TMEM184B: variants seen among roughly 807,000 people sequenced by gnomAD.
TMEM184B encodes the protein putative MAPK-activating protein FM08.
Under a neutral mutation model 41.8 loss-of-function variants are expected in TMEM184B, and 17 were observed. The observed-to-expected ratio is 0.41, with a 90% CI of 0.28 to 0.61. The LOEUF is 0.61. TMEM184B is among the 20% of genes least tolerant of loss of function. The probability of loss-of-function intolerance (pLI) is 0.34; values close to 1 mark genes in which losing one functional copy is unlikely to be tolerated. For missense variants in TMEM184B, 393 were observed against 557.8 expected (o/e 0.70, Z 2.98); for synonymous variants, 240 against 229.5 (o/e 1.05, Z -0.41).
intron 1 of TMEM184B, among the ~76,000 whole-genome samples, chr22:38,250,425 A>AT (rs1302889400): frequency 6.6e-6 from 1 of 152,264 alleles, no homozygotes; most frequent in Non-Finnish European, 1.5e-5. Flanking sequence ...AGGCGTCTAT[A>AT]TAAAGAAATT....
intron 1 of TMEM184B, among the ~76,000 whole-genome samples, chr22:38,256,405 G>A (rs1246632225): frequency 6.6e-6 from 1 of 151,808 alleles, no homozygotes; most frequent in South Asian, 2.1e-4. Flanking sequence ...GTAGAGACAG[G>A]TTTTCACCTT....
rs2091220849 is a variant in TMEM184B, at chr22:38,220,199, C to T, written c.*1270G>A. ...AGCCTGCTGGGGGTTCCGGAGGCCC[C>T]AGGTCTAGAGGTGTGGAGGGGGAGA... is the stretch of plus-strand genomic sequence containing the variant. On this transcript the variant is annotated 3_prime_UTR_variant, in exon 9 of 9. Coordinates refer to ENST00000361906, the MANE Select transcript of TMEM184B (RefSeq NM_012264.5). 1.0e-6 allele frequency: 1 copy of T among 985,608 alleles called. No individual in the cohort carries two copies. Among genetic ancestry groups the T allele is most frequent in the African/African-American group, 1.7e-5 (1 of 57,214 alleles). The allele number at this position is 985,608 out of a possible 1,614,324, so 61.1% of individuals were successfully genotyped here.
At chr22:38,248,560 C>T (rs1274814913) in intron 1 of TMEM184B, among the ~76,000 whole-genome samples, 1 of 152,230 alleles carries the variant, frequency 6.6e-6, no homozygotes, top group Non-Finnish European at 1.5e-5. Context: ...TCAGCCTCTC[C>T]CAGGCTGGGC....
intron 3 of TMEM184B, among the ~76,000 whole-genome samples, chr22:38,234,090 G>A (rs1362843488): frequency 6.7e-6 from 1 of 150,122 alleles, no homozygotes; most frequent in Non-Finnish European, 1.5e-5. Context: ...TTTCTAGACT[G>A]CCACACCTCG....
chr22:38,221,313 G>A lies in TMEM184B; in HGVS notation c.*156C>T, dbSNP rs981615535. 1.1e-5 allele frequency: 16 copies of A among 1,436,466 alleles called. No individual in the cohort carries two copies. The East Asian group carries it at 1.3e-4, about 11-fold the overall frequency. 89.0% of individuals were successfully genotyped at this position (1,436,466 alleles called of 1,614,324 possible). A position where few individuals can be genotyped will look rare whatever the true frequency, so the allele number is the denominator to read the frequency against. On this transcript the variant is annotated 3_prime_UTR_variant, in exon 9 of 9. Coordinates refer to ENST00000361906, the MANE Select transcript of TMEM184B (RefSeq NM_012264.5). ...CCATGGGCGAGCCTGGCTGTCCCCC[G>A]TTCCTCTGGAAGTGACATGTGAGTG... is the stretch of plus-strand genomic sequence containing the variant.
In TMEM184B at chr22:38,221,129, C is replaced by T; in HGVS notation, c.*340G>A. ...GCGGGGAGGAGGGGCTAGAAGGCTG[C>T]AGCCGCTGGTCCACACACAAGCATT... On this transcript the variant is annotated 3_prime_UTR_variant, in exon 9 of 9. Coordinates refer to ENST00000361906, the MANE Select transcript of TMEM184B (RefSeq NM_012264.5). 1.8e-6 allele frequency: 2 copies of T among 1,139,598 alleles called. No homozygotes were observed. Among genetic ancestry groups the T allele is most frequent in the Non-Finnish European group, 2.2e-6 (2 of 926,166 alleles). The allele number at this position is 1,139,598 out of a possible 1,614,324, so 70.6% of individuals were successfully genotyped here.
At chr22:38,244,131 T>C (rs1011828811) in intron 3 of TMEM184B, among the ~76,000 whole-genome samples, 1 of 152,092 alleles carries the variant, frequency 6.6e-6, no homozygotes, top group Non-Finnish European at 1.5e-5. Context: ...TGGGCTCCTG[T>C]TGGGCGCCTC....
At chr22:38,233,905 G>C (rs2091702112) in intron 3 of TMEM184B, among the ~76,000 whole-genome samples, 1 of 152,118 alleles carries the variant, frequency 6.6e-6, no homozygotes, top group Non-Finnish European at 1.5e-5. Context: ...GAGTAACTGG[G>C]ATTACAGGCG....
chr22:38,230,876 C>G (rs925918652), intron 4 of TMEM184B, 132 bp from the exon 5 acceptor site: 1 of 853,052 alleles, frequency 1.2e-6, no homozygotes, highest in Non-Finnish European at 1.9e-6. Flanking sequence ...ACTTTGAACC[C>G]GAGGCCAAGC....
chr22:38,260,212 G>A (rs1324077724), intron 1 of TMEM184B, among the ~76,000 whole-genome samples: 1 of 151,890 alleles, frequency 6.6e-6, no homozygotes, highest in Non-Finnish European at 1.5e-5. Context: ...CCGGCCAAAT[G>A]CCTGGCTAAT....
intron 3 of TMEM184B, among the ~76,000 whole-genome samples, chr22:38,232,665 G>A (rs1386271572): frequency 2.6e-5 from 4 of 152,092 alleles, no homozygotes; most frequent in African/African-American, 7.2e-5. Context: ...ATCTGACCCC[G>A]CCAGCCCCTG....
chr22:38,235,761 C>G (rs1475426613), intron 3 of TMEM184B, among the ~76,000 whole-genome samples: 3 of 152,206 alleles, frequency 2.0e-5, no homozygotes, highest in African/African-American at 7.2e-5. Context: ...CCTCCAACAT[C>G]TTAGCAAAGG....
Position 38,226,730 on chromosome 22 carries a change from C to G in TMEM184B, c.617+49G>C. On this transcript the variant is annotated intron_variant, in intron 6 of 8. Transcript: ENST00000361906. The surrounding 1 kb of genome is among the most constrained non-coding windows in gnomAD (Gnocchi z 4.6). ...CCCCTTCCCTGAGCCAAGGCACCAGCCTGCGCCAACACTCCTCCCACACAC... is the reference window on the plus strand; with the variant it reads ...CCCCTTCCCTGAGCCAAGGCACCAGGCTGCGCCAACACTCCTCCCACACAC... 6.5e-7 allele frequency: 1 copy of G among 1,539,650 alleles called. No individual in the cohort carries two copies. Among genetic ancestry groups the G allele is most frequent in the East Asian group, 2.4e-5 (1 of 41,210 alleles).
chr22:38,219,781 G>A lies in TMEM184B; in HGVS notation c.*1688C>T. 1 of 985,586 alleles carries A rather than the reference G, an allele frequency of 1.0e-6. No homozygotes were observed. Among genetic ancestry groups the A allele is most frequent in the East Asian group, 1.1e-4 (1 of 8,810 alleles). 61.1% of individuals were successfully genotyped at this position (985,586 alleles called of 1,614,324 possible). ...TTGGTGAAAGCAGATGGCGGGGCAG[G>A]GCCAGGGCTGGTCCTCAGCCTGTGT... On this transcript the variant is annotated 3_prime_UTR_variant, in exon 9 of 9. Coordinates refer to ENST00000361906, the MANE Select transcript of TMEM184B (RefSeq NM_012264.5).
intron 8 of TMEM184B, chr22:38,222,001 C>T: frequency 2.1e-6 from 1 of 479,716 alleles, no homozygotes; most frequent in Non-Finnish European, 3.8e-6. Context: ...TGGAGACTGG[C>T]AAGCTATGGG....
At chr22:38,216,634 A>G, downstream of TMEM184B, 1 of 154,054 alleles carries the variant, frequency 6.5e-6, no homozygotes, top group Non-Finnish European at 1.5e-5. Context: ...ACAGGGTATG[A>G]GGTGGAGGGG....
chr22:38,230,781 T>A (rs1199110217), intron 4 of TMEM184B, 37 bp from the exon 5 acceptor site: 1 of 1,592,948 alleles, frequency 6.3e-7, no homozygotes, highest in Non-Finnish European at 8.6e-7. Context: ...TGGCAGTGAG[T>A]GAAGAGCCAG....
At position 38,268,196 on chromosome 22, in the gene TMEM184B, C is replaced by T. The variant is rs918118106; in HGVS notation, c.-59+4688G>A. Reference sequence around the variant, plus strand: ...AGGAGTTCGAGACCAGCTTGGCTAACATGGTGAAACCCCATCTCTACTAAA... The same window carrying T: ...AGGAGTTCGAGACCAGCTTGGCTAATATGGTGAAACCCCATCTCTACTAAA... On this transcript the variant is annotated intron_variant, in intron 1 of 8. Transcript: ENST00000361906. Among the ~76,000 whole-genome samples, 17 of 152,018 alleles carry T rather than the reference C, an allele frequency of 1.1e-4. No homozygotes were observed. In the East Asian group the frequency reaches 3.1e-3, roughly 28 times the overall value.
Position 38,221,679 on chromosome 22 carries a change from G to A in TMEM184B, c.1014C>T (p.Ser338=). 6.2e-7 allele frequency: 1 copy of A among 1,614,014 alleles called. No homozygotes were observed. Among genetic ancestry groups the A allele is most frequent in the Non-Finnish European group, 8.5e-7 (1 of 1,179,968 alleles). Residue 338 remains serine, a synonymous_variant, in exon 9 of 9, where the codon AGC becomes AGT. Coordinates refer to ENST00000361906, the MANE Select transcript of TMEM184B (RefSeq NM_012264.5). ...GCGGGTTCATGGTCTCCTTGAGGCT[G>A]CTGGAGATGCTCTTCATGGGGGCAC... ...GRCAPMKSIS[S]SLKETMNPHD...
Sources: allele counts gnomAD v4.1 joint callset (sites outside exome capture counted in the v4.1 genomes callset), GRCh38; gene constraint gnomAD v4.1.1; non-coding constraint Gnocchi (gnomAD v3.1); transcripts MANE v1.5; gene names NCBI Gene and HGNC (gene_info 2026-07-23, HGNC 2026-07-21).